TJP1: variants seen among roughly 807,000 people sequenced by gnomAD.
TJP1 encodes the protein tight junction protein ZO-1.
A neutral mutation model predicts 194.2 loss-of-function variants in TJP1; 43 were observed. The observed-to-expected ratio is 0.22, with a 90% confidence interval of 0.17 to 0.29. TJP1 has a LOEUF of 0.29. TJP1 is among the 10% of genes least tolerant of loss of function. The pLI is 1.00. For synonymous variants in TJP1, 801 were observed against 779.0 expected, an observed-to-expected ratio of 1.03 and a Z score of -0.47; for missense variants, 1,971 against 2,185.7, an observed-to-expected ratio of 0.90 and a Z score of 1.96.
At position 29,732,636 on chromosome 15, in the gene TJP1, C is replaced by T. The variant is rs774402234; in HGVS notation, c.1916G>A (p.Arg639Gln). The change falls in exon 14 of 28, where the codon CGA (arginine) becomes CAA (glutamine). Residue 639 changes from arginine to glutamine, a missense_variant. Physicochemically the swap from Arg to Gln is conservative, Grantham distance 43. This residue lies in a region of TJP1 where 402 missense variants were observed against 484.2 expected (regional missense o/e 0.83). Coordinates refer to ENST00000614355, the MANE Select transcript of TJP1 (RefSeq NM_001330239.4). Reference sequence around the variant, plus strand: ...GTCTGTAGAAAATAAACTACCTTCTCGAAGAACCACTCTTTCATAAGCTGG... The same window carrying T: ...GTCTGTAGAAAATAAACTACCTTCTTGAAGAACCACTCTTTCATAAGCTGG... Reference protein sequence around the residue: ...KFPAYERVVLREAGFLRPVTI... With the variant: ...KFPAYERVVLQEAGFLRPVTI... 8 of 1,613,788 alleles carry T rather than the reference C, an allele frequency of 5.0e-6. No homozygotes were observed. In the East Asian group the frequency reaches 1.1e-4, roughly 22 times the overall value.
intron 2 of TJP1, among the ~76,000 whole-genome samples, chr15:29,913,216 G>A (rs1366447637): frequency 6.6e-6 from 1 of 152,024 alleles, no homozygotes; most frequent in African/African-American, 2.4e-5. Context: ...AGAATACGGA[G>A]GACTTAAAAG....
Position 29,718,566 on chromosome 15 carries a change from A to C in TJP1, c.3576T>G (p.Phe1192Leu). The change falls in exon 21 of 28, where the codon TTT (phenylalanine) becomes TTG (leucine). Residue 1192 changes from phenylalanine to leucine, a missense_variant. Phe to Leu is a conservative substitution (Grantham distance 22). Transcript: ENST00000614355. ...GPKPAESKQY[F>L]EQYSRSYEQV... is the part of the protein sequence containing the mutation. ...GCTCGTAACTGCGTGAATATTGCTCAAAATACTGCTTGGACTCTGCAGGCT... is the reference window on the plus strand; with the variant it reads ...GCTCGTAACTGCGTGAATATTGCTCCAAATACTGCTTGGACTCTGCAGGCT... 1 of 1,614,134 alleles carries C rather than the reference A, an allele frequency of 6.2e-7. No individual in the cohort carries two copies.
chr15:29,720,248 T>C (rs767689766), intron 19 of TJP1, 110 bp downstream of exon 19: 1 of 1,172,526 alleles, frequency 8.5e-7, no homozygotes, highest in Non-Finnish European at 1.2e-6. Context: ...AATTGAAGAT[T>C]AATTCTTAAT....
intron 2 of TJP1, among the ~76,000 whole-genome samples, chr15:29,791,496 C>A (rs866150206): frequency 7.2e-6 from 1 of 138,312 alleles, no homozygotes; most frequent in Admixed American, 7.8e-5. Flanking sequence ...TCTAGGCTCA[C>A]TCCAAGCTCC....
At chr15:29,935,002 T>C (rs1205936372) in intron 2 of TJP1, among the ~76,000 whole-genome samples, 1 of 152,234 alleles carries the variant, frequency 6.6e-6, no homozygotes, top group East Asian at 1.9e-4. Flanking sequence ...AGAGGGAAAC[T>C]GAGAATTATC....
intron 2 of TJP1, among the ~76,000 whole-genome samples, chr15:29,856,114 T>C (rs1406131929): frequency 6.6e-6 from 1 of 152,166 alleles, no homozygotes; most frequent in South Asian, 2.1e-4. Context: ...ATCCATACAA[T>C]AGAATATTAT....
At chr15:29,924,501 T>C (rs146650126) in intron 2 of TJP1, among the ~76,000 whole-genome samples, 108 of 152,342 alleles carry the variant, frequency 7.1e-4, no homozygotes, top group Non-Finnish European at 1.2e-3. Flanking sequence ...ATATGAACTA[T>C]AGAGTGTTCA....
chr15:29,737,152 T>C, intron 11 of TJP1, 112 bp downstream of exon 11: 1 of 1,331,608 alleles, frequency 7.5e-7, no homozygotes. Context: ...ACTGGCTCAA[T>C]GGAGACTGCT....
rs140852330 is a variant in TJP1, at chr15:29,958,994, T to G, written c.174-2630A>C. Among the ~76,000 whole-genome samples, 740 of 151,806 alleles carry G rather than the reference T, an allele frequency of 4.9e-3. 2 individuals carry two copies. The highest frequency in any genetic ancestry group is 6.8e-3 in the Middle Eastern group (2 of 294). Reference sequence around the variant, plus strand: ...ATTTCTAAAGTAGCTAGTTTTTTTTTTTTGTTTTTTTTTGAGTCGGAGTCT... The same window carrying G: ...ATTTCTAAAGTAGCTAGTTTTTTTTGTTTGTTTTTTTTTGAGTCGGAGTCT... On this transcript the variant is annotated intron_variant, in intron 1 of 28. Transcript: ENST00000356107.
chr15:29,894,286 C>T (rs908643643), intron 2 of TJP1, among the ~76,000 whole-genome samples: 16 of 152,140 alleles, frequency 1.1e-4, no homozygotes, highest in African/African-American at 3.9e-4. Flanking sequence ...CAGGGAAGCC[C>T]TGTCTCTACT....
Position 29,727,923 on chromosome 15 carries a change from TTTTAA to T in TJP1, c.2100+9_2100+13del, listed in dbSNP as rs1157111294. 6.2e-7 allele frequency: 1 copy of T among 1,611,582 alleles called. No homozygotes were observed. ...CAATAACATAATGAAATGGGTCAAG[TTTTAA>T]TAACTTACTTGATCTATGATTTGCT... On this transcript the variant is annotated intron_variant, in intron 16 of 27. Transcript: ENST00000614355.
intron 8 of TJP1, among the ~76,000 whole-genome samples, chr15:29,750,787 T>C (rs1314038356): frequency 1.3e-5 from 2 of 152,240 alleles, no homozygotes; most frequent in Non-Finnish European, 2.9e-5. Context: ...GATTTATACA[T>C]ACTTTTCACA....
chr15:29,916,232 C>G (rs1468845171), intron 2 of TJP1, among the ~76,000 whole-genome samples: 7 of 131,594 alleles, frequency 5.3e-5, no homozygotes, highest in Non-Finnish European at 9.3e-5. Context: ...AAGAGCAAGA[C>G]TCTGTCTCAA....
In TJP1 at chr15:29,718,732, G is replaced by A. The variant is rs1405420007; in HGVS notation, c.3410C>T (p.Pro1137Leu). Residue 1137 changes from proline (P) to leucine (L), a missense_variant, in exon 21 of 28, where the codon CCT (proline) becomes CTT (leucine). Coordinates refer to ENST00000614355, the MANE Select transcript of TJP1 (RefSeq NM_001330239.4). ...GYFPRFEEPA[P>L]LSYDSRPRYE... Reference sequence around the variant, plus strand: ...ACGTGGTCTGCTGTCGTAAGACAGAGGGGCTGGCTCTTCAAAACGTGGAAA... The same window carrying A: ...ACGTGGTCTGCTGTCGTAAGACAGAAGGGCTGGCTCTTCAAAACGTGGAAA... 1 of 1,614,152 alleles carries A rather than the reference G, an allele frequency of 6.2e-7. No individual in the cohort carries two copies. Among genetic ancestry groups the A allele is most frequent in the East Asian group, 2.2e-5 (1 of 44,870 alleles).
At chr15:29,945,052 A>G (rs2055225246) in intron 2 of TJP1, among the ~76,000 whole-genome samples, 1 of 152,222 alleles carries the variant, frequency 6.6e-6, no homozygotes, top group Non-Finnish European at 1.5e-5. Flanking sequence ...GTCTACTTTA[A>G]TAAAAATCCA....
At chr15:29,752,147 G>A (rs2045331710) in intron 8 of TJP1, among the ~76,000 whole-genome samples, 1 of 151,532 alleles carries the variant, frequency 6.6e-6, no homozygotes, top group Non-Finnish European at 1.5e-5. Flanking sequence ...CTGTCACCCA[G>A]GCTGGAGTGC....
chr15:29,710,923 G>A lies in TJP1; in HGVS notation c.4280C>T (p.Pro1427Leu), dbSNP rs1414433821. ...ATACTGCGAGGGCAATGGAGGAGGA[G>A]GGGGAGTGGCCTGGATGGGTTCATA... Reference protein sequence around the residue: ...KRYEPIQATPPPPPLPSQYAQ... With the variant: ...KRYEPIQATPLPPPLPSQYAQ... The change falls in exon 24 of 28, where the codon CCT becomes CTT. Residue 1427 changes from proline (P) to leucine (L), a missense_variant. Coordinates refer to ENST00000614355, the MANE Select transcript of TJP1 (RefSeq NM_001330239.4). 1.9e-6 allele frequency: 3 copies of A among 1,614,160 alleles called. No individual in the cohort carries two copies. Among genetic ancestry groups the A allele is most frequent in the Non-Finnish European group, 2.5e-6 (3 of 1,180,036 alleles).
intron 2 of TJP1, among the ~76,000 whole-genome samples, chr15:29,899,797 C>T (rs962587668): frequency 6.6e-5 from 10 of 152,178 alleles, no homozygotes; most frequent in African/African-American, 2.4e-4. Flanking sequence ...CACTCACCCA[C>T]ACACTAACAC....
intron 23 of TJP1, among the ~76,000 whole-genome samples, chr15:29,714,571 C>T (rs1356210337): frequency 1.1e-5 from 1 of 89,586 alleles, no homozygotes; most frequent in African/African-American, 4.5e-5. Flanking sequence ...GACAGAGTCT[C>T]ACTCTGTTGC....
Sources: gnomAD v4.1 joint callset for allele counts (sites outside exome capture counted in the v4.1 genomes callset) on GRCh38, gnomAD v4.1.1 for gene constraint, gnomAD v4.1.1 regional missense constraint, MANE v1.5 for transcripts, NCBI Gene and HGNC (gene_info 2026-07-23, HGNC 2026-07-21) for gene names.